The following TLK1 variants were observed in gnomAD, a reference collection of about 807,000 sequenced individuals.
TLK1 encodes the protein tousled like kinase 1, also known as serine/threonine-protein kinase tousled-like 1.
A neutral mutation model predicts 105.3 loss-of-function variants in TLK1; 24 were observed. The observed-to-expected ratio is 0.23, with a 90% CI of 0.17 to 0.32. The LOEUF (loss-of-function observed/expected upper bound fraction) is 0.32, where lower values mean the gene tolerates loss of function less well. TLK1 is among the 10% of genes least tolerant of loss of function. The pLI is 1.00. For synonymous variants in TLK1, 321 were observed against 310.4 expected (o/e 1.03, Z -0.36); for missense variants, 558 against 910.5 (o/e 0.61, Z 4.98).
At position 170,992,670 on chromosome 2, in the gene TLK1, G is replaced by A. The variant is rs551788072; in HGVS notation, c.*1110C>T. 1.3e-4 allele frequency: 20 copies of A among 152,596 alleles called. No individual in the cohort carries two copies. The South Asian group carries it at 1.7e-3, about 13-fold the overall frequency. 9.5% of individuals were successfully genotyped at this position (152,596 alleles called of 1,614,324 possible). On this transcript the variant is annotated 3_prime_UTR_variant, in exon 21 of 21. Coordinates refer to ENST00000431350, the MANE Select transcript of TLK1 (RefSeq NM_012290.5). ...CATGGATCACTTTTACATCTTGATT[G>A]TTAATGACTGTCTGCTTTTTAATAT... is the stretch of plus-strand genomic sequence containing the variant.
At position 171,061,137 on chromosome 2, in the gene TLK1, G is replaced by A. The variant is rs757972057; in HGVS notation, c.350C>T (p.Ser117Leu). 30 of 1,613,272 alleles carry A rather than the reference G, an allele frequency of 1.9e-5. No homozygotes were observed. The highest frequency in any genetic ancestry group is 1.7e-4 in the Middle Eastern group (1 of 6,054). Reference protein sequence around the residue: ...KESETPEKKQSESSRGRKRKA... With the variant: ...KESETPEKKQLESSRGRKRKA... ...TCTCTTTCTTCCCCTGGATGATTCC[G>A]ATTGTTTCTTCTCCGGTGTCTACAG... Residue 117 changes from serine to leucine, a missense_variant, in exon 4 of 21, where the codon TCG becomes TTG. Ser to Leu is a moderately radical substitution (Grantham distance 145). Around this residue, in one of 5 missense-constraint regions of TLK1, gnomAD observed 13 missense variants for 39.9 expected, o/e 0.33. Transcript: ENST00000431350.
chr2:171,223,933 G>T (rs1693853623), intron 1 of TLK1, among the ~76,000 whole-genome samples: 1 of 148,810 alleles, frequency 6.7e-6, no homozygotes, highest in Non-Finnish European at 1.5e-5. Flanking sequence ...TTTCTTTGCT[G>T]TCCAAAAGCT....
chr2:171,125,923 T>C (rs1575612827), intron 1 of TLK1, among the ~76,000 whole-genome samples: 1 of 152,202 alleles, frequency 6.6e-6, no homozygotes, highest in Non-Finnish European at 1.5e-5. Flanking sequence ...CAATCTTTTA[T>C]GGACTCAAAC....
intron 2 of TLK1, 132 bp downstream of exon 2, chr2:171,117,607 C>A: frequency 1.4e-6 from 1 of 693,768 alleles, no homozygotes. Context: ...CATTTATGAA[C>A]ACTGATCTTA....
intron 1 of TLK1, chr2:171,159,631 CGAA>C (rs1558974523): frequency 6.6e-6 from 1 of 152,272 alleles, no homozygotes; most frequent in Admixed American, 6.5e-5. Flanking sequence ...GAAGCAACGG[CGAA>C]GGAGAGAAAG....
chr2:170,993,744 C>A lies in TLK1; in HGVS notation c.*36G>T. 2.7e-6 allele frequency: 4 copies of A among 1,459,154 alleles called. No homozygotes were observed. Among genetic ancestry groups the A allele is most frequent in the South Asian group, 1.6e-5 (1 of 63,548 alleles). The allele number at this position is 1,459,154 out of a possible 1,614,324, so 90.4% of individuals were successfully genotyped here. On this transcript the variant is annotated 3_prime_UTR_variant, in exon 21 of 21. Transcript: ENST00000431350. ...TCAAACTTAAGTGTGCATCTGGAAG[C>A]AAATTCAAAGATATCATGCCAATCT...
intron 1 of TLK1, among the ~76,000 whole-genome samples, chr2:171,185,842 TC>T (rs1415660696): frequency 2.0e-5 from 3 of 152,246 alleles, no homozygotes; most frequent in South Asian, 2.1e-4. Flanking sequence ...CATTTCTACA[TC>T]TGCAGTACCT....
chr2:171,058,017 A>T (rs1006989282), intron 5 of TLK1, 134 bp downstream of exon 5: 3 of 753,054 alleles, frequency 4.0e-6, no homozygotes, highest in Non-Finnish European at 4.2e-6. Context: ...CTAGAAAGAT[A>T]TCACATAGTA....
intron 1 of TLK1, among the ~76,000 whole-genome samples, chr2:171,166,683 A>G (rs921763573): frequency 5.9e-5 from 9 of 152,250 alleles, no homozygotes; most frequent in Non-Finnish European, 1.2e-4. Context: ...AGTATCTGTG[A>G]AAGACGAAGA....
In TLK1 at chr2:170,993,668, TAAAAAAAAA is replaced by T. The variant is rs71008739; in HGVS notation, c.*103_*111del. 9.5e-5 allele frequency: 41 copies of T among 433,760 alleles called. No individual in the cohort carries two copies. Among genetic ancestry groups the T allele is most frequent in the Admixed American group, 1.3e-4 (2 of 15,848 alleles). 26.9% of individuals were successfully genotyped at this position (433,760 alleles called of 1,614,324 possible). On this transcript the variant is annotated 3_prime_UTR_variant, in exon 21 of 21. Coordinates refer to ENST00000431350, the MANE Select transcript of TLK1 (RefSeq NM_012290.5). ...AAACAGTTCTTAACCACGTCTTGTG[TAAAAAAAAA>T]AAAAAAAAAAAAAGAAAAAGAAAAC...
chr2:171,032,488 T>C (rs1354958418), intron 11 of TLK1, among the ~76,000 whole-genome samples: 1 of 152,110 alleles, frequency 6.6e-6, no homozygotes, highest in Non-Finnish European at 1.5e-5. Context: ...AGCTATTACA[T>C]TTACAATAGC....
chr2:171,124,295 T>C (rs1454009184), intron 1 of TLK1, among the ~76,000 whole-genome samples: 1 of 152,236 alleles, frequency 6.6e-6, no homozygotes, highest in Non-Finnish European at 1.5e-5. Flanking sequence ...CTTTCAAATA[T>C]AGACACTATT....
chr2:171,216,269 G>C (rs1209199317), intron 1 of TLK1, among the ~76,000 whole-genome samples: 3 of 152,174 alleles, frequency 2.0e-5, no homozygotes, highest in African/African-American at 4.8e-5. Context: ...GAGGTCAGGA[G>C]ATTGAGACCA....
chr2:171,019,163 A>G (rs116475822), intron 12 of TLK1, among the ~76,000 whole-genome samples: 237 of 152,326 alleles, frequency 1.6e-3, no homozygotes, highest in Non-Finnish European at 2.8e-3. Flanking sequence ...AACTTCACTA[A>G]AAGACTTTGT....
chr2:171,205,024 A>C (rs1693477071), intron 1 of TLK1, among the ~76,000 whole-genome samples: 1 of 152,040 alleles, frequency 6.6e-6, no homozygotes, highest in Admixed American at 6.6e-5. Context: ...AATAAGGGTG[A>C]GTGCAATGGA....
chr2:171,009,933 G>A (rs1684826559), intron 14 of TLK1, among the ~76,000 whole-genome samples: 1 of 152,166 alleles, frequency 6.6e-6, no homozygotes, highest in South Asian at 2.1e-4. Flanking sequence ...AAGCTGTTTA[G>A]AGGAACTAAA....
intron 1 of TLK1, among the ~76,000 whole-genome samples, chr2:171,220,434 CAA>C (rs1168061058): frequency 1.3e-5 from 2 of 152,018 alleles, no homozygotes; most frequent in African/African-American, 4.8e-5. Context: ...GATTTCCAGA[CAA>C]AGTCATAAAG....
chr2:170,995,875 G>GT (rs1438435423), intron 20 of TLK1, among the ~76,000 whole-genome samples: 2 of 152,110 alleles, frequency 1.3e-5, no homozygotes, highest in East Asian at 3.9e-4. Flanking sequence ...GCTAATTTTT[G>GT]TATTTTTAGT....
intron 1 of TLK1, among the ~76,000 whole-genome samples, chr2:171,138,066 C>G (rs931564750): frequency 2.6e-5 from 4 of 151,920 alleles, no homozygotes; most frequent in African/African-American, 9.7e-5. Context: ...TTATTGAGAA[C>G]TAATGATAAA....
Sources: gnomAD v4.1 joint callset for allele counts (sites outside exome capture counted in the v4.1 genomes callset) on GRCh38, gnomAD v4.1.1 for gene constraint, gnomAD v4.1.1 regional missense constraint, MANE v1.5 for transcripts, NCBI Gene and HGNC (gene_info 2026-07-23, HGNC 2026-07-21) for gene names.